SCFD2: variants seen among roughly 807,000 people sequenced by gnomAD.
The protein encoded by SCFD2 is sec1 family domain containing 2.
Under a neutral mutation model 58.9 loss-of-function variants are expected in SCFD2, and 54 were observed. The ratio of observed to expected loss-of-function variants is 0.92; its 90% CI spans 0.74 to 1.15. The LOEUF is 1.15. Among genes scored for constraint, SCFD2 ranks in the 50% most tolerant of loss-of-function variants. The pLI is 0.00. For synonymous variants in SCFD2, 321 were observed against 335.9 expected (o/e 0.96, Z 0.49); for missense variants, 805 against 836.6 (o/e 0.96, Z 0.47).
chr4:53,341,191 A>C (rs1176267481), intron 2 of SCFD2, among the ~76,000 whole-genome samples: 2 of 152,218 alleles, frequency 1.3e-5, no homozygotes, highest in Non-Finnish European at 2.9e-5. Flanking sequence ...ACCATCACAA[A>C]GAAGCTAAAA....
Position 53,365,384 on chromosome 4 carries a change from G to A in SCFD2, c.558C>T (p.Leu186=). Residue 186 remains leucine (L), a synonymous_variant, in exon 1 of 9, where the codon CTC becomes CTT. Coordinates refer to ENST00000401642, the MANE Select transcript of SCFD2 (RefSeq NM_152540.4). This position sits in a 1 kb window ranked among gnomAD's most constrained non-coding sequence, Gnocchi z 4.3. ...TCTTGTCCGGTCGGGCGCTATTAAG[G>A]AGGTGCACATCCTGGGGTAGCAGTG... is the stretch of plus-strand genomic sequence containing the variant. ...LFPLLPQDVH[L]LNSARPDKRK... 1 of 1,614,200 alleles carries A rather than the reference G, an allele frequency of 6.2e-7. No individual in the cohort carries two copies. Among genetic ancestry groups the A allele is most frequent in the South Asian group, 1.1e-5 (1 of 91,076 alleles).
intron 5 of SCFD2, among the ~76,000 whole-genome samples, chr4:53,134,606 A>G (rs919996062): frequency 6.6e-6 from 1 of 152,268 alleles, no homozygotes; most frequent in African/African-American, 2.4e-5. Flanking sequence ...CAATTCGAGT[A>G]ACAGGAATCT....
intron 5 of SCFD2, among the ~76,000 whole-genome samples, chr4:53,107,335 C>A (rs1313563642): frequency 6.6e-6 from 1 of 152,272 alleles, no homozygotes; most frequent in South Asian, 2.1e-4. Context: ...GCAAAATAAC[C>A]AGCTAGCATC....
intron 5 of SCFD2, among the ~76,000 whole-genome samples, chr4:52,947,352 C>G (rs991637961): frequency 3.3e-5 from 5 of 152,118 alleles, no homozygotes; most frequent in Admixed American, 6.5e-5. Flanking sequence ...TTCCATCAGG[C>G]ATTAGTATTG....
intron 4 of SCFD2, among the ~76,000 whole-genome samples, chr4:53,219,228 C>G (rs1728965743): frequency 6.6e-6 from 1 of 152,198 alleles, no homozygotes; most frequent in African/African-American, 2.4e-5. Context: ...ATGCCCTGCC[C>G]CAAGAGGTGG....
chr4:52,966,384 A>C (rs1321690339), intron 5 of SCFD2, among the ~76,000 whole-genome samples: 1 of 152,330 alleles, frequency 6.6e-6, no homozygotes, highest in South Asian at 2.1e-4. Context: ...GCCCACGGTC[A>C]TCTGCTCATC....
chr4:52,925,306 G>C (rs1176738965), intron 5 of SCFD2, among the ~76,000 whole-genome samples: 2 of 149,038 alleles, frequency 1.3e-5, no homozygotes, highest in Non-Finnish European at 3.0e-5. Context: ...ATATATATAT[G>C]TACTATATGT....
At chr4:53,271,265 C>A (rs1731155145) in intron 4 of SCFD2, among the ~76,000 whole-genome samples, 1 of 151,610 alleles carries the variant, frequency 6.6e-6, no homozygotes, top group South Asian at 2.1e-4. Flanking sequence ...GTATTCACTG[C>A]ATAATTTTTC....
At chr4:53,251,881 C>G (rs1730398306) in intron 4 of SCFD2, among the ~76,000 whole-genome samples, 1 of 150,386 alleles carries the variant, frequency 6.6e-6, no homozygotes, top group Non-Finnish European at 1.5e-5. Context: ...AAGTTCTGGC[C>G]AGAGCAATTA....
At chr4:53,113,168 C>T (rs910301719) in intron 5 of SCFD2, among the ~76,000 whole-genome samples, 4 of 152,098 alleles carry the variant, frequency 2.6e-5, no homozygotes, top group African/African-American at 9.7e-5. Context: ...GGAACCCTTT[C>T]CTAACTTCAA....
At chr4:53,052,122 A>T (rs905538904) in intron 5 of SCFD2, among the ~76,000 whole-genome samples, 1 of 151,366 alleles carries the variant, frequency 6.6e-6, no homozygotes, top group African/African-American at 2.5e-5. Context: ...TTTACTAATA[A>T]AATCTAAGTT....
chr4:53,273,984 G>T lies in SCFD2; in HGVS notation c.1153C>A (p.Gln385Lys), dbSNP rs1731256044. Reference protein sequence around the residue: ...KMSMGRVTPGQLMSYIQLFKN... With the variant: ...KMSMGRVTPGKLMSYIQLFKN... ...AAGAGCTGAATATAGGACATGAGCT[G>T]TCCCGGTGTGACTCTCCCTGGAAAC... The change falls in exon 4 of 9, where the codon CAG becomes AAG. Residue 385 changes from glutamine to lysine, a missense_variant. Physicochemically the swap from Gln to Lys is moderately conservative, Grantham distance 53. Around this residue, in one of 3 missense-constraint regions of SCFD2, gnomAD observed 633 missense variants for 646.8 expected, o/e 0.98. Transcript: ENST00000401642. The T allele has an allele frequency of 6.2e-7, 1 of 1,609,868 alleles. No individual in the cohort carries two copies. Among genetic ancestry groups the T allele is most frequent in the African/African-American group, 1.3e-5 (1 of 74,836 alleles).
intron 3 of SCFD2, among the ~76,000 whole-genome samples, chr4:53,289,887 G>A (rs972114162): frequency 1.3e-5 from 2 of 152,008 alleles, no homozygotes; most frequent in African/African-American, 4.8e-5. Context: ...AAGAGACAAA[G>A]GTTAATATTT....
intron 5 of SCFD2, among the ~76,000 whole-genome samples, chr4:52,972,087 G>T (rs12508306): frequency 0.34 from 51,909 of 151,982 alleles, 9,627 homozygotes; most frequent in Admixed American, 0.47. Context: ...GACCATCGAG[G>T]CTAGGAAGAA....
At chr4:53,301,814 C>T (rs564563791) in intron 3 of SCFD2, among the ~76,000 whole-genome samples, 58 of 152,222 alleles carry the variant, frequency 3.8e-4, no homozygotes, top group African/African-American at 1.3e-3. Context: ...AATCAATAAA[C>T]GTAATCCAGC....
intron 5 of SCFD2, among the ~76,000 whole-genome samples, chr4:52,964,719 A>AC (rs1720922758): frequency 1.4e-5 from 2 of 146,580 alleles, no homozygotes; most frequent in African/African-American, 5.1e-5. Context: ...CACATACACA[A>AC]GGACTCAGAA....
chr4:53,167,321 T>G (rs1404260963), intron 4 of SCFD2, among the ~76,000 whole-genome samples: 1 of 152,246 alleles, frequency 6.6e-6, no homozygotes, highest in Non-Finnish European at 1.5e-5. Context: ...TAGGCTAATG[T>G]GTCCAAAGGA....
chr4:53,010,935 G>C (rs1722079790), intron 5 of SCFD2, among the ~76,000 whole-genome samples: 1 of 152,236 alleles, frequency 6.6e-6, no homozygotes, highest in African/African-American at 2.4e-5. Context: ...GAAAATTCAT[G>C]CCTTAAAAGA....
intron 7 of SCFD2, among the ~76,000 whole-genome samples, chr4:52,901,292 G>T (rs543698244): frequency 6.6e-6 from 1 of 152,096 alleles, no homozygotes; most frequent in Non-Finnish European, 1.5e-5. Flanking sequence ...CTCCACCCCC[G>T]GCTCTTGATC....
Sources: gnomAD v4.1 joint callset for allele counts (sites outside exome capture counted in the v4.1 genomes callset) on GRCh38, gnomAD v4.1.1 for gene constraint, gnomAD v4.1.1 regional missense constraint, Gnocchi (gnomAD v3.1) non-coding constraint, MANE v1.5 for transcripts, NCBI Gene and HGNC (gene_info 2026-07-23, HGNC 2026-07-21) for gene names.